RGSL1: variants seen among roughly 807,000 people sequenced by gnomAD.
RGSL1 encodes the protein regulator of G protein signaling like 1.
RGSL1 carries 97 observed loss-of-function variants against 124.7 expected under a neutral mutation model. The ratio of observed to expected loss-of-function variants is 0.78; its 90% confidence interval spans 0.66 to 0.92. The LOEUF (loss-of-function observed/expected upper bound fraction) is 0.92. Ranked by LOEUF, RGSL1 falls within the 40% of genes least tolerant of loss-of-function variation. The pLI, the probability that RGSL1 is intolerant of heterozygous loss-of-function variation, is 0.00. For missense variants in RGSL1, 1,233 were observed against 1,288.4 expected (o/e 0.96, Z 0.66); for synonymous variants, 424 against 438.1 (o/e 0.97, Z 0.40).
At chr1:182,494,309 C>A (rs149706066) in intron 9 of RGSL1, among the ~76,000 whole-genome samples, 2 of 152,262 alleles carry the variant, frequency 1.3e-5, no homozygotes, top group Non-Finnish European at 1.5e-5. Context: ...GAGCTTAATG[C>A]GATTGAACAG....
At chr1:182,474,617 C>A in intron 6 of RGSL1, 75 bp downstream of exon 6, 2 of 1,451,922 alleles carry the variant, frequency 1.4e-6, no homozygotes, top group Non-Finnish European at 1.8e-6. Flanking sequence ...CATCTGGTCA[C>A]CTATACTGGC....
intron 21 of RGSL1, among the ~76,000 whole-genome samples, chr1:182,557,686 C>G (rs1274355561): frequency 6.6e-6 from 1 of 152,192 alleles, no homozygotes; most frequent in Non-Finnish European, 1.5e-5. Context: ...TGGTTATACT[C>G]ATGTGTAGGT....
chr1:182,486,162 G>C (rs1397298578), intron 6 of RGSL1, among the ~76,000 whole-genome samples: 3 of 151,846 alleles, frequency 2.0e-5, no homozygotes, highest in Admixed American at 1.3e-4. Flanking sequence ...CTATTATAGG[G>C]TTTTTAGATG....
intron 6 of RGSL1, among the ~76,000 whole-genome samples, chr1:182,485,406 G>C (rs1465878853): frequency 2.6e-5 from 4 of 152,144 alleles, no homozygotes; most frequent in Non-Finnish European, 5.9e-5. Context: ...GGAGGCAGGG[G>C]CAAGTGCTGG....
intron 9 of RGSL1, among the ~76,000 whole-genome samples, chr1:182,499,463 A>C (rs1656187313): frequency 6.6e-6 from 1 of 152,108 alleles, no homozygotes; most frequent in Non-Finnish European, 1.5e-5. Context: ...GTTGATTTAA[A>C]GACTGTTTTG....
intron 15 of RGSL1, among the ~76,000 whole-genome samples, chr1:182,541,693 A>C (rs1284867905): frequency 6.6e-6 from 1 of 152,222 alleles, no homozygotes; most frequent in Non-Finnish European, 1.5e-5. Flanking sequence ...CGTTGCCACC[A>C]ACCAGGTACA....
chr1:182,483,156 G>T (rs1654837627), intron 6 of RGSL1, among the ~76,000 whole-genome samples: 1 of 152,072 alleles, frequency 6.6e-6, no homozygotes, highest in Non-Finnish European at 1.5e-5. Context: ...AGTCACGAGA[G>T]ATAAATTTAC....
At chr1:182,534,118 T>C (rs1228055617) in intron 14 of RGSL1, among the ~76,000 whole-genome samples, 10 of 152,226 alleles carry the variant, frequency 6.6e-5, no homozygotes, top group Admixed American at 6.5e-4. Flanking sequence ...CTGCAAAAGA[T>C]ACATATTTTG....
chr1:182,453,972 A>G lies in RGSL1; in HGVS notation c.28A>G (p.Thr10Ala), dbSNP rs369253576. 39 of 1,521,900 alleles carry G rather than the reference A, an allele frequency of 2.6e-5. No homozygotes were observed. The African/African-American group carries it at 4.3e-4, about 17-fold the overall frequency. 94.3% of individuals were successfully genotyped at this position (1,521,900 alleles called of 1,614,324 possible). A position where few individuals can be genotyped will look rare whatever the true frequency, so the allele number is the denominator to read the frequency against. Residue 10 changes from threonine (T) to alanine (A), a missense_variant, in exon 2 of 22, where the codon ACA (threonine) becomes GCA (alanine). By Grantham distance (58) the Thr-to-Ala change is moderately conservative. Transcript: ENST00000294854. Reference sequence around the variant, plus strand: ...TCTCCATATAGAGATAATTGGTTCTACAAATCTTATAATTCTGCTAGAGGA... The same window carrying G: ...TCTCCATATAGAGATAATTGGTTCTGCAAATCTTATAATTCTGCTAGAGGA... Reference protein sequence around the residue: MSSAEIIGSTNLIILLEDEV... With the variant: MSSAEIIGSANLIILLEDEV...
At position 182,529,205 on chromosome 1, in the gene RGSL1, T is replaced by C. The variant is rs545249747; in HGVS notation, c.2126-1039T>C. ...TTTATTTAATTCTAAAAATAGAATT[T>C]TATTTAATCCCTGTAATATAGGGAT... On this transcript the variant is annotated intron_variant, in intron 11 of 21. Coordinates refer to ENST00000294854, the MANE Select transcript of RGSL1 (RefSeq NM_001137669.2). Among the ~76,000 whole-genome samples the C allele has an allele frequency of 1.4e-4, 21 of 152,306 alleles. No homozygotes were observed. The South Asian group carries it at 2.5e-3, about 18-fold the overall frequency.
chr1:182,520,362 G>T (rs1257003388), intron 9 of RGSL1, among the ~76,000 whole-genome samples: 1 of 152,116 alleles, frequency 6.6e-6, no homozygotes, highest in East Asian at 1.9e-4. Flanking sequence ...CTGAGAATCT[G>T]CCAAAAGCTC....
intron 4 of RGSL1, among the ~76,000 whole-genome samples, chr1:182,460,974 A>G (rs561828457): frequency 5.3e-5 from 8 of 152,308 alleles, no homozygotes; most frequent in African/African-American, 1.9e-4. Flanking sequence ...TCCAAATATT[A>G]AGGATCTGTG....
intron 6 of RGSL1, 71 bp from the exon 7 acceptor site, chr1:182,488,214 G>T: frequency 7.0e-7 from 1 of 1,420,434 alleles, no homozygotes; most frequent in South Asian, 1.2e-5. Flanking sequence ...GCTCCCAGGT[G>T]AACATATGCA....
At chr1:182,449,467 A>G (rs1651660454), upstream of RGSL1, among the ~76,000 whole-genome samples, 1 of 152,186 alleles carries the variant, frequency 6.6e-6, no homozygotes, top group African/African-American at 2.4e-5. Flanking sequence ...TATTCTCAGT[A>G]ATTCTTGGCT....
At chr1:182,507,588 C>T (rs1656912139) in intron 9 of RGSL1, among the ~76,000 whole-genome samples, 1 of 152,112 alleles carries the variant, frequency 6.6e-6, no homozygotes, top group Non-Finnish European at 1.5e-5. Flanking sequence ...GGATAATATT[C>T]CATTGTGTAT....
At chr1:182,544,727 C>T (rs1660102983) in intron 15 of RGSL1, among the ~76,000 whole-genome samples, 1 of 151,860 alleles carries the variant, frequency 6.6e-6, no homozygotes, top group Admixed American at 6.6e-5. Flanking sequence ...CTGAATTGAC[C>T]CCTTTGTCAT....
intron 7 of RGSL1, 120 bp downstream of exon 7, chr1:182,488,467 C>A: frequency 1.0e-6 from 1 of 983,794 alleles, no homozygotes; most frequent in Non-Finnish European, 1.6e-6. Context: ...CTAGAGTCAA[C>A]CAAAGATCAG....
intron 14 of RGSL1, 112 bp downstream of exon 14, chr1:182,532,903 G>A (rs879496373): frequency 4.5e-5 from 53 of 1,189,868 alleles, no homozygotes; most frequent in South Asian, 9.4e-5. Flanking sequence ...CTGGAGTCTA[G>A]CAAAAAAACC....
At chr1:182,524,787 G>A (rs1287754639) in intron 10 of RGSL1, among the ~76,000 whole-genome samples, 2 of 152,152 alleles carry the variant, frequency 1.3e-5, no homozygotes, top group Non-Finnish European at 2.9e-5. Context: ...CCAAAAAATT[G>A]GGAGGCCACT....
Sources: allele counts gnomAD v4.1 joint callset (sites outside exome capture counted in the v4.1 genomes callset), GRCh38; gene constraint gnomAD v4.1.1; transcripts MANE v1.5; gene names NCBI Gene and HGNC (gene_info 2026-07-23, HGNC 2026-07-21).